Variants in ATPAF1 observed in about 807,000 individuals in gnomAD.
ATPAF1 encodes the protein ATP synthase mitochondrial F1 complex assembly factor 1, also known as homolog of yeast ATP11.
Under a neutral mutation model 43.9 loss-of-function variants are expected in ATPAF1, and 26 were observed. The ratio of observed to expected loss-of-function variants is 0.59; its 90% CI spans 0.43 to 0.82. The LOEUF (loss-of-function observed/expected upper bound fraction) is 0.82, where lower values mean the gene tolerates loss of function less well. Among genes scored for constraint, ATPAF1 ranks in the 40% least tolerant of loss-of-function variants. The pLI is 0.00. For synonymous variants in ATPAF1, 157 were observed against 168.0 expected, an observed-to-expected ratio of 0.93 and a Z score of 0.50; for missense variants, 366 against 435.0, an observed-to-expected ratio of 0.84 and a Z score of 1.41.
At chr1:46,648,800 G>A (rs1214969189) in intron 6 of ATPAF1, among the ~76,000 whole-genome samples, 1 of 151,946 alleles carries the variant, frequency 6.6e-6, no homozygotes, top group Non-Finnish European at 1.5e-5. Flanking sequence ...CTAACATGGT[G>A]AAACCCTGTC....
intron 2 of ATPAF1, among the ~76,000 whole-genome samples, chr1:46,663,601 G>C (rs561783113): frequency 8.0e-5 from 12 of 150,926 alleles, no homozygotes; most frequent in South Asian, 2.1e-4. Flanking sequence ...GTGTCTGTTC[G>C]TATCCTTTGT....
At chr1:46,648,198 G>A (rs1159745159) in intron 6 of ATPAF1, among the ~76,000 whole-genome samples, 2 of 152,122 alleles carry the variant, frequency 1.3e-5, no homozygotes, top group Non-Finnish European at 2.9e-5. Context: ...TGCAGTCCCT[G>A]CCTCCCAGGT....
At chr1:46,643,146 T>C (rs377071749) in intron 8 of ATPAF1, 48 bp downstream of exon 8, 1 of 1,458,832 alleles carries the variant, frequency 6.9e-7, no homozygotes, top group African/African-American at 1.4e-5. Context: ...GAGTAATACC[T>C]TCAGTGCCAT....
intron 2 of ATPAF1, among the ~76,000 whole-genome samples, chr1:46,661,893 C>CTT (rs1360105864): frequency 0.011 from 1,521 of 140,426 alleles, 35 homozygotes; most frequent in African/African-American, 0.037. Flanking sequence ...AGCTAAATTT[C>CTT]TTTCTTTTTT....
intron 8 of ATPAF1, among the ~76,000 whole-genome samples, chr1:46,638,670 T>G (rs546045541): frequency 6.6e-6 from 1 of 150,840 alleles, no homozygotes; most frequent in Non-Finnish European, 1.5e-5. Context: ...GTGAGTAGGA[T>G]AGGAAGGTAA....
At chr1:46,638,280 C>T (rs757031337) in intron 8 of ATPAF1, among the ~76,000 whole-genome samples, 2 of 152,162 alleles carry the variant, frequency 1.3e-5, no homozygotes, top group African/African-American at 4.8e-5. Flanking sequence ...TGGGGTTTTA[C>T]ATAGTAAGAT....
intron 8 of ATPAF1, among the ~76,000 whole-genome samples, chr1:46,641,406 AAT>A (rs1198842716): frequency 6.6e-6 from 1 of 152,112 alleles, no homozygotes; most frequent in African/African-American, 2.4e-5. Flanking sequence ...TCAGCATACA[AAT>A]ATGTTTTCTT....
intron 2 of ATPAF1, among the ~76,000 whole-genome samples, chr1:46,660,648 A>C (rs1007156671): frequency 1.3e-5 from 2 of 152,226 alleles, no homozygotes; most frequent in Non-Finnish European, 2.9e-5. Context: ...GATTTGATGA[A>C]ATAAGGTAAT....
At chr1:46,656,936 C>T (rs1213221525) in intron 4 of ATPAF1, among the ~76,000 whole-genome samples, 3 of 152,218 alleles carry the variant, frequency 2.0e-5, no homozygotes, top group Admixed American at 6.5e-5. Flanking sequence ...CAGAGTCTGA[C>T]ATTTAATTGG....
At position 46,668,363 on chromosome 1, in the gene ATPAF1, T is replaced by G. The variant is rs1449475089; in HGVS notation, c.-41A>C. 1.5e-5 allele frequency: 19 copies of G among 1,287,570 alleles called. No individual in the cohort carries two copies. The East Asian group carries it at 6.6e-4, about 44-fold the overall frequency. 79.8% of individuals were successfully genotyped at this position (1,287,570 alleles called of 1,614,324 possible). On this transcript the variant is annotated 5_prime_UTR_variant, in exon 1 of 9. Transcript: ENST00000574428. The surrounding 1 kb of genome is among the most constrained non-coding windows in gnomAD (Gnocchi z 4.4). ...CTCCTCCTCCTCAGGCGCGTCGGCC[T>G]CGGCCCGCGGCCCGCGCGCCCGCTC...
exon 9 of ATPAF1, chr1:46,635,501 G>C (rs534980860): frequency 4.7e-6 from 2 of 424,946 alleles, no homozygotes; most frequent in Admixed American, 7.8e-5. Context: ...CAAGTCAACT[G>C]TCTTGTAGGT....
chr1:46,659,528 G>A (rs951950346), intron 2 of ATPAF1, among the ~76,000 whole-genome samples: 4 of 125,654 alleles, frequency 3.2e-5, no homozygotes, highest in African/African-American at 1.0e-4. Flanking sequence ...GTCATTTTGA[G>A]TGTTCAATCT....
intron 8 of ATPAF1, 171 bp from the exon 9 acceptor site, chr1:46,636,141 T>C (rs536988815): frequency 8.3e-6 from 6 of 726,564 alleles, no homozygotes; most frequent in South Asian, 1.5e-5. Flanking sequence ...GTGTACCAAA[T>C]CATCCTGTGC....
chr1:46,668,351 G>T lies in ATPAF1; in HGVS notation c.-29C>A, dbSNP rs751966398. On this transcript the variant is annotated 5_prime_UTR_variant, in exon 1 of 9. It adds an upstream start codon to the 5' untranslated region. Transcript: ENST00000574428. This position sits in a 1 kb window ranked among gnomAD's most constrained non-coding sequence, Gnocchi z 4.4. ...CGCCCCCGCCTCCTCCTCCTCCTCA[G>T]GCGCGTCGGCCTCGGCCCGCGGCCC... 1.5e-6 allele frequency: 2 copies of T among 1,326,304 alleles called. No individual in the cohort carries two copies. The highest frequency in any genetic ancestry group is 1.9e-6 in the Non-Finnish European group (2 of 1,034,576). The allele number at this position is 1,326,304 out of a possible 1,614,324, so 82.2% of individuals were successfully genotyped here. A position where few individuals can be genotyped will look rare whatever the true frequency, so the allele number is the denominator to read the frequency against.
At position 46,647,523 on chromosome 1, in the gene ATPAF1, CAT is replaced by C. The variant is rs796443543; in HGVS notation, c.589-2269_589-2268del. ...ACACATACACACACACACACACACA[CAT>C]GCACATTCTCTCTTTCCACAATTCC... On this transcript the variant is annotated intron_variant, in intron 6 of 8. Transcript: ENST00000574428. 4.5e-3 allele frequency among the ~76,000 whole-genome samples: 648 copies of C among 144,450 alleles called. 2 individuals carry two copies. The highest frequency in any genetic ancestry group is 0.015 in the African/African-American group (588 of 38,076). 94.8% of individuals were successfully genotyped at this position (144,450 alleles called of 152,430 possible). A position where few individuals can be genotyped will look rare whatever the true frequency, so the allele number is the denominator to read the frequency against.
intron 2 of ATPAF1, among the ~76,000 whole-genome samples, chr1:46,662,056 G>T (rs1197672113): frequency 6.6e-6 from 1 of 151,376 alleles, no homozygotes; most frequent in Non-Finnish European, 1.5e-5. Flanking sequence ...CACAACGCCC[G>T]GCTAATTTTT....
chr1:46,648,708 T>C (rs1431105085), intron 6 of ATPAF1, among the ~76,000 whole-genome samples: 1 of 152,196 alleles, frequency 6.6e-6, no homozygotes, highest in Non-Finnish European at 1.5e-5. Context: ...CCAGGTGCGG[T>C]GGCTCATGCC....
In ATPAF1 at chr1:46,668,296, C is replaced by G; in HGVS notation, c.27G>C (p.Ala9=). ...GCAGGACCGCCGGTCCCGCGCCACC[C>G]GCAGCCGCCACCACCACAGCAGCCA... The change falls in exon 1 of 9, where the codon GCG becomes GCC. Residue 9 remains alanine (A), a synonymous_variant. Transcript: ENST00000574428. The surrounding 1 kb of genome is among the most constrained non-coding windows in gnomAD (Gnocchi z 4.4). 7.2e-7 allele frequency: 1 copy of G among 1,380,266 alleles called. No individual in the cohort carries two copies. Among genetic ancestry groups the G allele is most frequent in the South Asian group, 1.6e-5 (1 of 63,884 alleles). 85.5% of individuals were successfully genotyped at this position (1,380,266 alleles called of 1,614,324 possible).
At chr1:46,649,884 C>T (rs970458548) in intron 6 of ATPAF1, among the ~76,000 whole-genome samples, 1 of 151,944 alleles carries the variant, frequency 6.6e-6, no homozygotes, top group African/African-American at 2.4e-5. Context: ...TATGATCACA[C>T]CACTGCACTC....
Sources: gnomAD v4.1 joint callset for allele counts (sites outside exome capture counted in the v4.1 genomes callset) on GRCh38, gnomAD v4.1.1 for gene constraint, Gnocchi (gnomAD v3.1) non-coding constraint, MANE v1.5 for transcripts, NCBI Gene and HGNC (gene_info 2026-07-23, HGNC 2026-07-21) for gene names.